CDA: variants seen among roughly 807,000 people sequenced by gnomAD.
The protein encoded by CDA is cytidine deaminase, also known as cytidine aminohydrolase.
A neutral mutation model predicts 15.0 loss-of-function variants in CDA; 7 were observed. That is an observed-to-expected ratio of 0.47 (90% CI 0.26 to 0.87). The LOEUF (loss-of-function observed/expected upper bound fraction) is 0.87, where lower values mean the gene tolerates loss of function less well. Among genes scored for constraint, CDA ranks in the 40% least tolerant of loss-of-function variants. CDA has a pLI of 0.15. For missense variants in CDA, 159 were observed against 182.7 expected (o/e 0.87, Z 0.75); for synonymous variants, 58 against 73.0 (o/e 0.79, Z 1.05).
chr1:20,618,543 C>G lies in CDA; in HGVS notation c.416C>G (p.Pro139Arg), dbSNP rs144118395. ...VQELLPSSFG[P>R]EDLQKTQ ...GAGCTGCTGCCCTCCTCCTTTGGGCCTGAGGACCTGCAGAAGACCCAGTGA... is the reference window on the plus strand; with the variant it reads ...GAGCTGCTGCCCTCCTCCTTTGGGCGTGAGGACCTGCAGAAGACCCAGTGA... The change falls in exon 4 of 4, where the codon CCT (proline) becomes CGT (arginine). Residue 139 changes from proline (P) to arginine (R), a missense_variant. Transcript: ENST00000375071. 820 of 1,609,312 alleles carry G rather than the reference C, an allele frequency of 5.1e-4. No homozygotes were observed. The highest frequency in any genetic ancestry group is 6.6e-4 in the Non-Finnish European group (775 of 1,175,860).
chr1:20,596,402 C>T (rs905705462), intron 1 of CDA, among the ~76,000 whole-genome samples: 6 of 152,042 alleles, frequency 3.9e-5, no homozygotes, highest in Non-Finnish European at 8.8e-5. Context: ...GAGCTCCAAC[C>T]CAGCCCAGAC....
At chr1:20,602,950 C>G (rs1488291985) in intron 1 of CDA, among the ~76,000 whole-genome samples, 1 of 152,320 alleles carries the variant, frequency 6.6e-6, no homozygotes, top group Admixed American at 6.5e-5. Context: ...TATTGTGGTG[C>G]CTGAAACAAC....
chr1:20,618,522 T>G lies in CDA; in HGVS notation c.395T>G (p.Leu132Arg). ...GTYIVMTVQELLPSSFGPEDL... is the reference protein window; with the variant it reads ...GTYIVMTVQERLPSSFGPEDL... ...TATATTGTCATGACGGTCCAGGAGC[T>G]GCTGCCCTCCTCCTTTGGGCCTGAG... is the stretch of plus-strand genomic sequence containing the variant. The change falls in exon 4 of 4, where the codon CTG (leucine) becomes CGG (arginine). Residue 132 changes from leucine (L) to arginine (R), a missense_variant. Leu to Arg is a moderately radical substitution (Grantham distance 102). Transcript: ENST00000375071. 1 of 1,613,796 alleles carries G rather than the reference T, an allele frequency of 6.2e-7. No individual in the cohort carries two copies. Among genetic ancestry groups the G allele is most frequent in the Non-Finnish European group, 8.5e-7 (1 of 1,179,780 alleles).
intron 1 of CDA, among the ~76,000 whole-genome samples, chr1:20,596,042 A>G (rs556360681): frequency 2.6e-5 from 4 of 151,898 alleles, no homozygotes; most frequent in African/African-American, 9.7e-5. Context: ...CCAGCTGCTC[A>G]GGAGGCTGAG....
chr1:20,608,021 TC>T (rs2052710361), intron 2 of CDA, among the ~76,000 whole-genome samples: 1 of 152,156 alleles, frequency 6.6e-6, no homozygotes. Context: ...AAGTACGGCC[TC>T]AGTGTGTGAC....
chr1:20,596,792 A>C (rs2052595171), intron 1 of CDA, among the ~76,000 whole-genome samples: 5 of 121,256 alleles, frequency 4.1e-5, no homozygotes, highest in East Asian at 2.4e-4. Flanking sequence ...ACAGGATCTC[A>C]CTCTGTTGCC....
In CDA at chr1:20,599,474, G is replaced by A. The variant is rs573992205; in HGVS notation, c.155-5454G>A. ...TCTACCAAAAATACAAAAATTAGCC[G>A]GGCGTGGTGGCACGCACCTGTAGTC... is the stretch of plus-strand genomic sequence containing the variant. On this transcript the variant is annotated intron_variant, in intron 1 of 3. Transcript: ENST00000375071. Among the ~76,000 whole-genome samples the A allele has an allele frequency of 1.8e-3, 274 of 151,506 alleles. 1 individual carries two copies. The highest frequency in any genetic ancestry group is 2.6e-3 in the Non-Finnish European group (177 of 67,870).
At chr1:20,614,948 G>A (rs973924088) in intron 3 of CDA, among the ~76,000 whole-genome samples, 15 of 151,830 alleles carry the variant, frequency 9.9e-5, no homozygotes, top group Admixed American at 6.6e-4. Flanking sequence ...TGCAACCTCC[G>A]CCTCCTGGGT....
intron 3 of CDA, 46 bp downstream of exon 3, chr1:20,613,945 C>A: frequency 6.3e-7 from 1 of 1,577,836 alleles, no homozygotes; most frequent in South Asian, 1.1e-5. Flanking sequence ...TCTTCCCTGT[C>A]GCAGGCTATG....
At chr1:20,617,487 C>T (rs189571676) in intron 3 of CDA, among the ~76,000 whole-genome samples, 2 of 152,068 alleles carry the variant, frequency 1.3e-5, no homozygotes, top group Admixed American at 6.6e-5. Flanking sequence ...ATCATGGGGG[C>T]GGGTCTTTCC....
intron 1 of CDA, among the ~76,000 whole-genome samples, chr1:20,593,062 T>G (rs1353907556): frequency 2.0e-5 from 3 of 152,022 alleles, no homozygotes; most frequent in African/African-American, 7.2e-5. Context: ...CCACTGTACA[T>G]CAGCTGGGCG....
rs1350562312 is a variant in CDA, at chr1:20,618,518, G to C, written c.391G>C (p.Glu131Gln). 7.4e-6 allele frequency: 12 copies of C among 1,613,810 alleles called. No individual in the cohort carries two copies. Among genetic ancestry groups the C allele is most frequent in the Non-Finnish European group, 1.0e-5 (12 of 1,179,856 alleles). ...DGTYIVMTVQ[E>Q]LLPSSFGPED... ...TACGTATATTGTCATGACGGTCCAGGAGCTGCTGCCCTCCTCCTTTGGGCC... is the reference window on the plus strand; with the variant it reads ...TACGTATATTGTCATGACGGTCCAGCAGCTGCTGCCCTCCTCCTTTGGGCC... Residue 131 changes from glutamate to glutamine, a missense_variant, in exon 4 of 4, where the codon GAG (glutamate) becomes CAG (glutamine). Transcript: ENST00000375071.
At chr1:20,611,504 C>A (rs907308183) in intron 2 of CDA, among the ~76,000 whole-genome samples, 1 of 152,160 alleles carries the variant, frequency 6.6e-6, no homozygotes, top group African/African-American at 2.4e-5. Context: ...CCTCAGCCTC[C>A]TGGGTAGCTG....
intron 2 of CDA, among the ~76,000 whole-genome samples, chr1:20,606,939 T>C (rs1486817367): frequency 2.0e-5 from 3 of 152,204 alleles, no homozygotes; most frequent in African/African-American, 7.2e-5. Flanking sequence ...GACAGTTTTC[T>C]TAACAAGTTA....
At chr1:20,591,560 CA>C (rs2052548694) in intron 1 of CDA, among the ~76,000 whole-genome samples, 2 of 152,194 alleles carry the variant, frequency 1.3e-5, no homozygotes, top group South Asian at 4.1e-4. Flanking sequence ...GCCCCCATGG[CA>C]GTCCCCTCAT....
chr1:20,605,308 G>A (rs567562828), intron 2 of CDA, among the ~76,000 whole-genome samples: 2 of 152,136 alleles, frequency 1.3e-5, no homozygotes, highest in African/African-American at 2.4e-5. Context: ...GCAACACAAC[G>A]TGATACAGAC....
chr1:20,598,945 G>A (rs2052613220), intron 1 of CDA, among the ~76,000 whole-genome samples: 1 of 152,190 alleles, frequency 6.6e-6, no homozygotes, highest in South Asian at 2.1e-4. Context: ...AATATAATAG[G>A]AGGAATTAGA....
chr1:20,591,182 A>C (rs1469718552), intron 1 of CDA, among the ~76,000 whole-genome samples: 1 of 152,050 alleles, frequency 6.6e-6, no homozygotes, highest in Non-Finnish European at 1.5e-5. Context: ...TACTAAAAAT[A>C]CAAAAAAAAA....
chr1:20,595,783 T>C (rs2052586691), intron 1 of CDA, among the ~76,000 whole-genome samples: 1 of 138,756 alleles, frequency 7.2e-6, no homozygotes, highest in African/African-American at 2.8e-5. Flanking sequence ...GAGATTGCAA[T>C]GAGCCGTGAG....
Sources: allele counts gnomAD v4.1 joint callset (sites outside exome capture counted in the v4.1 genomes callset), GRCh38; gene constraint gnomAD v4.1.1; transcripts MANE v1.5; gene names NCBI Gene and HGNC (gene_info 2026-07-23, HGNC 2026-07-21).